Variants in HDAC7 observed in about 807,000 individuals in gnomAD.
HDAC7 encodes the protein histone deacetylase 7A.
In HDAC7, 26 loss-of-function variants were observed where a neutral mutation model predicts 115.5. The observed-to-expected ratio is 0.23, with a 90% CI of 0.16 to 0.31. The LOEUF is 0.31. Ranked by LOEUF, HDAC7 falls within the 10% of genes least tolerant of loss-of-function variation. HDAC7 has a pLI of 1.00. For synonymous variants in HDAC7, 564 were observed against 550.9 expected, an observed-to-expected ratio of 1.02 and a Z score of -0.33; for missense variants, 1,068 against 1,329.0, an observed-to-expected ratio of 0.80 and a Z score of 3.05.
At chr12:47,805,865 G>A (rs1944380346) in intron 1 of HDAC7, among the ~76,000 whole-genome samples, 1 of 152,224 alleles carries the variant, frequency 6.6e-6, no homozygotes, top group Non-Finnish European at 1.5e-5. Context: ...ACTTCCCTGG[G>A]AAGTCACTGA....
chr12:47,805,736 C>A (rs530811261), intron 1 of HDAC7, among the ~76,000 whole-genome samples: 1 of 152,212 alleles, frequency 6.6e-6, no homozygotes, highest in African/African-American at 2.4e-5. Context: ...TCTCATTTGA[C>A]AGAGGAGCAA....
rs1489848104 is a variant in HDAC7 at position 47,797,118 on chromosome 12, C to A, written c.602G>T (p.Arg201Leu). 2 of 1,604,008 alleles carry A rather than the reference C, an allele frequency of 1.2e-6. No homozygotes were observed. Reference sequence around the variant, plus strand: ...CTCCAGGGACTTCTTGGGCTTATAGCGCAGCTTCAGGTTGGGCTCAGAGAC... The same window carrying A: ...CTCCAGGGACTTCTTGGGCTTATAGAGCAGCTTCAGGTTGGGCTCAGAGAC... ...KTVSEPNLKL[R>L]YKPKKSLERR... The change falls in exon 7 of 26, where the codon CGC becomes CTC. Residue 201 changes from arginine to leucine, a missense_variant. Around this residue, in one of 6 missense-constraint regions of HDAC7, gnomAD observed 618 missense variants for 701.5 expected, o/e 0.88. Coordinates refer to ENST00000080059, the MANE Select transcript of HDAC7 (RefSeq NM_015401.5). The surrounding 1 kb of genome is among the most constrained non-coding windows in gnomAD (Gnocchi z 5.5).
At chr12:47,818,627 T>C (rs1024330189) in intron 1 of HDAC7, among the ~76,000 whole-genome samples, 5 of 152,150 alleles carry the variant, frequency 3.3e-5, no homozygotes, top group African/African-American at 9.7e-5. Context: ...GGGAACAGGC[T>C]GAGAAGTTGA....
At position 47,783,703 on chromosome 12, in the gene HDAC7, C is replaced by G; in HGVS notation, c.*138G>C. 1.2e-6 allele frequency: 1 copy of G among 850,858 alleles called. No homozygotes were observed. Among genetic ancestry groups the G allele is most frequent in the Non-Finnish European group, 1.9e-6 (1 of 515,642 alleles). The allele number at this position is 850,858 out of a possible 1,614,324, so 52.7% of individuals were successfully genotyped here. On this transcript the variant is annotated 3_prime_UTR_variant, in exon 26 of 26. Transcript: ENST00000080059. ...TTCTCACGCTCCCTGGGATAACTGT[C>G]AAAGCAGGCAGGCTGTTCTCTGGTT... is the stretch of plus-strand genomic sequence containing the variant.
rs1011716716 is a variant in HDAC7 at position 47,794,766 on chromosome 12, G to A, written c.1452C>T (p.His484=). 6.3e-7 allele frequency: 1 copy of A among 1,597,962 alleles called. No individual in the cohort carries two copies. The highest frequency in any genetic ancestry group is 1.3e-5 in the African/African-American group (1 of 74,384). ...EARGPAPLQQ[H]PQVLLWEQQR... is the part of the protein sequence containing the mutation. ...CAGGTGGGGACTGCCATACCTGAGG[G>A]TGCTGCTGGAGAGGAGCGGGGCCTC... is the stretch of plus-strand genomic sequence containing the variant. The change falls in exon 12 of 26, where the codon CAC becomes CAT. Residue 484 remains histidine (H), a synonymous_variant. Coordinates refer to ENST00000080059, the MANE Select transcript of HDAC7 (RefSeq NM_015401.5).
rs889477112 is a variant in HDAC7 at position 47,793,970 on chromosome 12, T to G, written c.1459-382A>C. Among the ~76,000 whole-genome samples, 3 of 152,160 alleles carry G rather than the reference T, an allele frequency of 2.0e-5. No individual in the cohort carries two copies. The highest frequency in any genetic ancestry group is 4.4e-5 in the Non-Finnish European group (3 of 68,020). On this transcript the variant is annotated intron_variant, in intron 12 of 25. Transcript: ENST00000080059. The surrounding 1 kb of genome is among the most constrained non-coding windows in gnomAD (Gnocchi z 4.5). ...ATGGAGTAAATTATGTTCCCCACCC[T>G]CAAATTTATATGTTGAAGTCCCAAC...
chr12:47,786,408 G>A (rs1204084820), intron 22 of HDAC7, among the ~76,000 whole-genome samples, 177 bp downstream of exon 22: 2 of 152,238 alleles, frequency 1.3e-5, no homozygotes, highest in Non-Finnish European at 2.9e-5. Flanking sequence ...GGCTTGGGCT[G>A]TGCTCGGCTA....
At chr12:47,816,844 G>A (rs57136847) in intron 1 of HDAC7, among the ~76,000 whole-genome samples, 3,512 of 152,222 alleles carry the variant, frequency 0.023, 88 homozygotes, top group African/African-American at 0.055. Flanking sequence ...CCTTCCGGGC[G>A]TCCAGCTCCC....
At chr12:47,791,808 A>ACCCCT in intron 14 of HDAC7, 63 bp downstream of exon 14, 2 of 510,924 alleles carry the variant, frequency 3.9e-6, no homozygotes, top group Non-Finnish European at 5.3e-6. Flanking sequence ...AGGGCCCCCC[A>ACCCCT]CCCCTCCCCT....
In HDAC7 at chr12:47,798,057, G is replaced by A. The variant is rs371056822; in HGVS notation, c.461+51C>T. The A allele has an allele frequency of 1.3e-4, 163 of 1,291,534 alleles. 1 individual carries two copies. Among genetic ancestry groups the A allele is most frequent in the Middle Eastern group, 5.6e-4 (3 of 5,400 alleles). The allele number at this position is 1,291,534 out of a possible 1,614,324, so 80.0% of individuals were successfully genotyped here. A position where few individuals can be genotyped will look rare whatever the true frequency, so the allele number is the denominator to read the frequency against. ...GTGTGCTCATGGCTAACACGGGGGC[G>A]GGGGTGGAGGGTGCATGTGGGGACA... On this transcript the variant is annotated intron_variant, in intron 5 of 25. Transcript: ENST00000080059. The surrounding 1 kb of genome is among the most constrained non-coding windows in gnomAD (Gnocchi z 4.3).
intron 8 of HDAC7, 65 bp downstream of exon 8, chr12:47,796,142 G>A (rs1565810055): frequency 5.9e-6 from 9 of 1,537,384 alleles, no homozygotes; most frequent in East Asian, 2.3e-5. Context: ...AGGTAGGGCC[G>A]CCTGCTGGAA....
intron 2 of HDAC7, among the ~76,000 whole-genome samples, chr12:47,799,543 C>G (rs1175220754): frequency 4.0e-4 from 61 of 152,232 alleles, no homozygotes; most frequent in Admixed American, 4.0e-3. Context: ...AAGCCTACAG[C>G]CAGCCCTGAC....
At chr12:47,788,938 C>A (rs938235065) in intron 19 of HDAC7, 9 of 318,416 alleles carry the variant, frequency 2.8e-5, no homozygotes, top group Middle Eastern at 9.0e-4. Flanking sequence ...TGCTATTATT[C>A]TTATCATCAC....
At chr12:47,802,075 G>A (rs1381724445) in intron 2 of HDAC7, 149 bp downstream of exon 2, 9 of 763,562 alleles carry the variant, frequency 1.2e-5, no homozygotes, top group East Asian at 2.7e-5. Flanking sequence ...CCGGCTCCTC[G>A]CCCCTCCCTG....
intron 23 of HDAC7, 55 bp downstream of exon 23, chr12:47,785,697 A>G: frequency 6.4e-7 from 1 of 1,555,576 alleles, no homozygotes; most frequent in Non-Finnish European, 8.7e-7. Flanking sequence ...GGTAGTCCTG[A>G]GAGCCGGGCT....
In HDAC7 at chr12:47,785,381, A is replaced by G; in HGVS notation, c.2791+6T>C. On this transcript the variant is annotated splice_donor_region_variant and intron_variant, in intron 24 of 25. Transcript: ENST00000080059. ...AGCTCAGCGAGTGTCCCATCTCCAC[A>G]CTTACTGTGCACCCGGATCACGGCC... 1 of 1,604,750 alleles carries G rather than the reference A, an allele frequency of 6.2e-7. No individual in the cohort carries two copies. The highest frequency in any genetic ancestry group is 8.5e-7 in the Non-Finnish European group (1 of 1,175,530).
rs896378088 is a variant in HDAC7, at chr12:47,812,561, G to A, written c.19+7206C>T. Among the ~76,000 whole-genome samples, 37 of 152,196 alleles carry A rather than the reference G, an allele frequency of 2.4e-4. 1 individual carries two copies. The highest frequency in any genetic ancestry group is 2.4e-3 in the Admixed American group (37 of 15,288). On this transcript the variant is annotated intron_variant, in intron 1 of 25. Coordinates refer to ENST00000080059, the MANE Select transcript of HDAC7 (RefSeq NM_015401.5). ...ACAGATGAAGAAGTGGAGGCACAGA[G>A]CAAAATGTGCCCATAATCACACTTG...
Position 47,783,331 on chromosome 12 carries a change from T to C in HDAC7, c.*510A>G, listed in dbSNP as rs185081753. On this transcript the variant is annotated 3_prime_UTR_variant, in exon 26 of 26. Coordinates refer to ENST00000080059, the MANE Select transcript of HDAC7 (RefSeq NM_015401.5). ...TTCCAGAGTCGTCTGAGGAAGCAGG[T>C]GAGAGGGACTACCCCTGCACTCAGG... 1 of 158,790 alleles carries C rather than the reference T, an allele frequency of 6.3e-6. No homozygotes were observed. The highest frequency in any genetic ancestry group is 1.4e-5 in the Non-Finnish European group (1 of 71,412). The allele number at this position is 158,790 out of a possible 1,614,324, so 9.8% of individuals were successfully genotyped here.
Position 47,786,573 on chromosome 12 carries a change from A to C in HDAC7, c.2572+12T>G. 6.3e-7 allele frequency: 1 copy of C among 1,586,566 alleles called. No homozygotes were observed. The highest frequency in any genetic ancestry group is 8.7e-7 in the Non-Finnish European group (1 of 1,155,254). ...CTGTCCCTAACGTCCCCCTCAGCTGAGGCTCCCTTACATTTGGCAGAAACA... is the reference window on the plus strand; with the variant it reads ...CTGTCCCTAACGTCCCCCTCAGCTGCGGCTCCCTTACATTTGGCAGAAACA... On this transcript the variant is annotated intron_variant, in intron 22 of 25. Coordinates refer to ENST00000080059, the MANE Select transcript of HDAC7 (RefSeq NM_015401.5).
Sources: gnomAD v4.1 joint callset for allele counts (sites outside exome capture counted in the v4.1 genomes callset) on GRCh38, gnomAD v4.1.1 for gene constraint, gnomAD v4.1.1 regional missense constraint, Gnocchi (gnomAD v3.1) non-coding constraint, MANE v1.5 for transcripts, NCBI Gene and HGNC (gene_info 2026-07-23, HGNC 2026-07-21) for gene names.